The following KLF12 variants were observed in gnomAD, a reference collection of about 807,000 sequenced individuals.
KLF12 encodes the protein KLF transcription factor 12, also known as Krueppel-like factor 12.
In KLF12, 9 loss-of-function variants were observed where a neutral mutation model predicts 37.8. The ratio of observed to expected loss-of-function variants is 0.24; its 90% CI spans 0.14 to 0.42. The LOEUF is 0.42. KLF12 is among the 10% of genes least tolerant of loss of function. The probability of loss-of-function intolerance (pLI) is 1.00; values close to 1 mark genes in which losing one functional copy is unlikely to be tolerated. For missense variants in KLF12, 411 were observed against 516.0 expected (o/e 0.80, Z 1.97); for synonymous variants, 208 against 202.1 (o/e 1.03, Z -0.25).
chr13:74,186,221 C>T, the KLF12 span, among the ~76,000 whole-genome samples: 1 of 151,974 alleles, frequency 6.6e-6, no homozygotes. Context: ...ATGTAAGAAA[C>T]TGTAATACTT....
intron 2 of KLF12, among the ~76,000 whole-genome samples, chr13:73,986,052 T>C (rs1272360692): frequency 6.6e-6 from 1 of 152,184 alleles, no homozygotes; most frequent in Non-Finnish European, 1.5e-5. Context: ...CCTCAAGAGC[T>C]TTTAACGAGA....
chr13:73,835,574 G>T (rs1050293080), intron 4 of KLF12, among the ~76,000 whole-genome samples: 32 of 152,116 alleles, frequency 2.1e-4, no homozygotes, highest in African/African-American at 6.5e-4. Context: ...CTTTGAAAGG[G>T]AGGTGCAGAA....
chr13:73,696,556 A>C (rs1289070940), intron 7 of KLF12, among the ~76,000 whole-genome samples: 1 of 152,190 alleles, frequency 6.6e-6, no homozygotes, highest in African/African-American at 2.4e-5. Flanking sequence ...GCTTGTCCCC[A>C]TGCAACCCCA....
At chr13:73,710,864 G>A (rs1056669601) in intron 7 of KLF12, among the ~76,000 whole-genome samples, 4 of 152,184 alleles carry the variant, frequency 2.6e-5, no homozygotes, top group African/African-American at 7.2e-5. Flanking sequence ...CAGGCACTTC[G>A]AAAGCTGAGA....
rs115057670 is a variant in KLF12, at chr13:73,803,701, G to A, written c.806+9451C>T. ...AAAACCAGTGTCTGATGGATACAGT[G>A]CTAGCTCTGGAGACACAAAGAAGGC... On this transcript the variant is annotated intron_variant, in intron 5 of 7. Coordinates refer to ENST00000377669, the MANE Select transcript of KLF12 (RefSeq NM_007249.5). Among the ~76,000 whole-genome samples, 510 of 151,784 alleles carry A rather than the reference G, an allele frequency of 3.4e-3. 3 individuals are homozygous for A. The highest frequency in any genetic ancestry group is 0.012 in the African/African-American group (499 of 41,360).
In KLF12 at chr13:73,820,430, G is replaced by A. The variant is rs147898155; in HGVS notation, c.671-7143C>T. 3.9e-5 allele frequency among the ~76,000 whole-genome samples: 6 copies of A among 152,300 alleles called. No homozygotes were observed. In the East Asian group the frequency reaches 1.2e-3, roughly 29 times the overall value. ...TAGCACATCAAGACAGATAGTGAGAGAAACATTCATGAGTAAATAAAGCTT... is the reference window on the plus strand; with the variant it reads ...TAGCACATCAAGACAGATAGTGAGAAAAACATTCATGAGTAAATAAAGCTT... On this transcript the variant is annotated intron_variant, in intron 4 of 7. Transcript: ENST00000377669.
chr13:74,077,428 T>C (rs986554844), intron 1 of KLF12, among the ~76,000 whole-genome samples: 1 of 152,180 alleles, frequency 6.6e-6, no homozygotes, highest in African/African-American at 2.4e-5. Flanking sequence ...TAGCAAAATT[T>C]TGAAACTATA....
chr13:73,775,663 C>T (rs1349033791), intron 5 of KLF12, among the ~76,000 whole-genome samples: 1 of 152,186 alleles, frequency 6.6e-6, no homozygotes. Context: ...ACTTCATGAA[C>T]TGGCAGACAT....
rs567227916 is a variant in KLF12, at chr13:74,103,554, G to A, written c.-32+30185C>T. ...AAGTAGCCTAAGCACACCCCCCAGC[G>A]AATTCTGAAGCGCAAACTCCATATC... On this transcript the variant is annotated intron_variant, in intron 1 of 7. Coordinates refer to ENST00000377669, the MANE Select transcript of KLF12 (RefSeq NM_007249.5). 2.6e-5 allele frequency among the ~76,000 whole-genome samples: 4 copies of A among 152,202 alleles called. No individual in the cohort carries two copies. The East Asian group carries it at 5.8e-4, about 22-fold the overall frequency.
rs74548666 is a variant in KLF12, at chr13:74,090,176, A to G, written c.-32+43563T>C. Among the ~76,000 whole-genome samples the G allele has an allele frequency of 9.0e-3, 1,373 of 152,146 alleles. 27 individuals carry two copies. Among genetic ancestry groups the G allele is most frequent in the East Asian group, 0.083 (429 of 5,188 alleles). On this transcript the variant is annotated intron_variant, in intron 1 of 7. Transcript: ENST00000377669. ...ACGATCCAAAAACAAAATTAAAACA[A>G]TTATATTTATAATAGTATAAAAAGT...
chr13:74,188,174 C>T, the KLF12 span, among the ~76,000 whole-genome samples: 1 of 151,998 alleles, frequency 6.6e-6, no homozygotes, highest in Non-Finnish European at 1.5e-5. Flanking sequence ...GTACCTGATT[C>T]TTAGATAAGT....
At chr13:73,999,760 A>C (rs537617230) in intron 1 of KLF12, among the ~76,000 whole-genome samples, 1 of 152,146 alleles carries the variant, frequency 6.6e-6, no homozygotes, top group East Asian at 1.9e-4. Flanking sequence ...AAACAAAAAC[A>C]AAAACCCCAG....
At chr13:74,169,831 G>A in the KLF12 span, among the ~76,000 whole-genome samples, 2 of 152,210 alleles carry the variant, frequency 1.3e-5, no homozygotes, top group Admixed American at 1.3e-4. Flanking sequence ...GGGTGAGAAA[G>A]CCACTTGGGA....
chr13:74,128,102 T>C (rs575653296), intron 1 of KLF12, among the ~76,000 whole-genome samples: 1 of 152,306 alleles, frequency 6.6e-6, no homozygotes, highest in Admixed American at 6.5e-5. Flanking sequence ...ATTTCATGTG[T>C]TTTTCTTTTG....
chr13:73,919,621 T>C (rs1373219079), intron 3 of KLF12, among the ~76,000 whole-genome samples: 2 of 152,206 alleles, frequency 1.3e-5, no homozygotes, highest in Non-Finnish European at 2.9e-5. Context: ...ATGCTGTTTA[T>C]TGTTGCATTT....
intron 1 of KLF12, among the ~76,000 whole-genome samples, chr13:74,090,745 G>T (rs563534166): frequency 1.3e-5 from 2 of 151,892 alleles, no homozygotes; most frequent in South Asian, 2.1e-4. Flanking sequence ...TCTGGATAGA[G>T]CCCTTTGTTA....
intron 4 of KLF12, among the ~76,000 whole-genome samples, chr13:73,818,310 G>C (rs886209616): frequency 6.6e-6 from 1 of 152,160 alleles, no homozygotes; most frequent in Admixed American, 6.5e-5. Context: ...TGCGCCGGCC[G>C]AACACTTTTT....
chr13:74,148,973 C>T, the KLF12 span, among the ~76,000 whole-genome samples: 46 of 152,246 alleles, frequency 3.0e-4, 1 homozygote, highest in African/African-American at 9.6e-4. Context: ...TGCCACCAGG[C>T]CCAGCTAATT....
intron 5 of KLF12, among the ~76,000 whole-genome samples, chr13:73,767,510 C>G (rs958301442): frequency 1.3e-5 from 2 of 152,196 alleles, no homozygotes; most frequent in Admixed American, 6.5e-5. Flanking sequence ...AAAGGGCAAT[C>G]TTGGTTGTTG....
Sources: allele counts gnomAD v4.1 joint callset (sites outside exome capture counted in the v4.1 genomes callset), GRCh38; gene constraint gnomAD v4.1.1; transcripts MANE v1.5; gene names NCBI Gene and HGNC (gene_info 2026-07-23, HGNC 2026-07-21).